Variants in GALNT13 observed in about 807,000 individuals in gnomAD.
GALNT13 encodes the protein polypeptide N-acetylgalactosaminyltransferase 13.
GALNT13 carries 28 observed loss-of-function variants against 64.2 expected under a neutral mutation model. The ratio of observed to expected loss-of-function variants is 0.44; its 90% CI spans 0.32 to 0.60. GALNT13 has a LOEUF of 0.60. Ranked by LOEUF, GALNT13 falls within the 20% of genes least tolerant of loss-of-function variation. The pLI is 0.05. For synonymous variants in GALNT13, 214 were observed against 224.6 expected (o/e 0.95, Z 0.42); for missense variants, 577 against 669.8 (o/e 0.86, Z 1.53).
At chr2:153,774,089 G>C in the GALNT13 span, among the ~76,000 whole-genome samples, 1 of 151,922 alleles carries the variant, frequency 6.6e-6, no homozygotes, top group Non-Finnish European at 1.5e-5. Context: ...AATTTTTCTG[G>C]AAAACTAGTT....
intron 3 of GALNT13, among the ~76,000 whole-genome samples, chr2:154,095,883 T>G (rs1469917591): frequency 6.6e-6 from 1 of 151,986 alleles, no homozygotes; most frequent in African/African-American, 2.4e-5. Flanking sequence ...TTTCAAAGTG[T>G]GCTCATCAGC....
At chr2:153,463,917 T>A in the GALNT13 span, among the ~76,000 whole-genome samples, 1 of 152,038 alleles carries the variant, frequency 6.6e-6, no homozygotes, top group African/African-American at 2.4e-5. Context: ...TATATCCAAA[T>A]GAAATTCCAG....
the GALNT13 span, among the ~76,000 whole-genome samples, chr2:153,408,474 A>C: frequency 1.3e-5 from 2 of 152,272 alleles, no homozygotes; most frequent in Non-Finnish European, 2.9e-5. Flanking sequence ...GGAGAAAATA[A>C]ATAGCAAAAA....
the GALNT13 span, among the ~76,000 whole-genome samples, chr2:153,854,302 G>A: frequency 1.6e-4 from 25 of 151,642 alleles, no homozygotes; most frequent in Admixed American, 4.6e-4. Flanking sequence ...AAATCAGGCC[G>A]GGTGCAGTGG....
chr2:154,256,265 C>T (rs1293254247), intron 7 of GALNT13, among the ~76,000 whole-genome samples: 4 of 149,760 alleles, frequency 2.7e-5, no homozygotes, highest in African/African-American at 9.9e-5. Flanking sequence ...AAAAAAAAAG[C>T]GAGAGAGATA....
chr2:154,273,230 A>G (rs2105925801), intron 8 of GALNT13, among the ~76,000 whole-genome samples: 1 of 152,312 alleles, frequency 6.6e-6, no homozygotes, highest in African/African-American at 2.4e-5. Context: ...TACATTACCT[A>G]GAGTGGTCAG....
the GALNT13 span, among the ~76,000 whole-genome samples, chr2:153,307,207 A>G: frequency 3.9e-5 from 6 of 152,264 alleles, no homozygotes; most frequent in Non-Finnish European, 8.8e-5. Context: ...AAGTATTTGC[A>G]TTATGAAAAT....
In GALNT13 at chr2:154,097,007, T is replaced by C. The variant is rs540919409; in HGVS notation, c.143-43330T>C. Among the ~76,000 whole-genome samples the C allele has an allele frequency of 7.8e-5, 5 of 64,062 alleles. No homozygotes were observed. The East Asian group carries it at 0.012, about 153-fold the overall frequency. 42.0% of individuals were successfully genotyped at this position (64,062 alleles called of 152,430 possible). A position where few individuals can be genotyped will look rare whatever the true frequency, so the allele number is the denominator to read the frequency against. ...ACTAGTAAGTGAATAAGAAAATAAG[T>C]AAGTAAGTAAGTAAATAAATAAATA... is the stretch of plus-strand genomic sequence containing the variant. On this transcript the variant is annotated intron_variant, in intron 3 of 12. Coordinates refer to ENST00000392825, the MANE Select transcript of GALNT13 (RefSeq NM_052917.4).
At chr2:153,585,112 T>C in the GALNT13 span, among the ~76,000 whole-genome samples, 1 of 152,130 alleles carries the variant, frequency 6.6e-6, no homozygotes, top group African/African-American at 2.4e-5. Context: ...GAACTCAAAA[T>C]ATTGATTTTT....
chr2:154,435,761 A>G (rs185259301), intron 11 of GALNT13: 2 of 152,306 alleles, frequency 1.3e-5, no homozygotes, highest in Admixed American at 6.5e-5. Context: ...TCTAAATATC[A>G]GCTACTGAAT....
chr2:154,418,072 T>G (rs910826568), intron 11 of GALNT13, among the ~76,000 whole-genome samples: 3 of 152,204 alleles, frequency 2.0e-5, no homozygotes, highest in Non-Finnish European at 4.4e-5. Flanking sequence ...AGCAAGAATT[T>G]GTTGTTTTTC....
the GALNT13 span, chr2:153,357,357 T>C: frequency 2.0e-5 from 3 of 152,230 alleles, no homozygotes; most frequent in Non-Finnish European, 4.4e-5. Context: ...TTATTTCAAC[T>C]TGATTATTCT....
intron 9 of GALNT13, among the ~76,000 whole-genome samples, chr2:154,346,569 A>C (rs1696079853): frequency 6.6e-6 from 1 of 151,628 alleles, no homozygotes; most frequent in South Asian, 2.1e-4. Flanking sequence ...CTTGGCTCTC[A>C]TTTTCCCTTG....
chr2:153,133,851 TA>T, the GALNT13 span, among the ~76,000 whole-genome samples: 1 of 152,304 alleles, frequency 6.6e-6, no homozygotes, highest in African/African-American at 2.4e-5. Context: ...AACTGGAAGA[TA>T]AGAGCTGTTT....
At chr2:154,227,372 C>T (rs1688674485) in intron 4 of GALNT13, among the ~76,000 whole-genome samples, 1 of 151,434 alleles carries the variant, frequency 6.6e-6, no homozygotes, top group African/African-American at 2.4e-5. Flanking sequence ...GGTACATGTG[C>T]ATAACGTGCA....
At chr2:154,371,354 T>A (rs545381525) in intron 9 of GALNT13, among the ~76,000 whole-genome samples, 1 of 152,096 alleles carries the variant, frequency 6.6e-6, no homozygotes, top group African/African-American at 2.4e-5. Context: ...GTAATTATAA[T>A]GTTGCTGTCA....
intron 4 of GALNT13, among the ~76,000 whole-genome samples, chr2:154,165,264 G>A (rs955811677): frequency 5.3e-5 from 8 of 152,196 alleles, no homozygotes; most frequent in Non-Finnish European, 1.0e-4. Flanking sequence ...CTCCTTCACT[G>A]TCTTTTAAGA....
At chr2:153,641,389 T>A in the GALNT13 span, among the ~76,000 whole-genome samples, 11 of 152,322 alleles carry the variant, frequency 7.2e-5, no homozygotes, top group African/African-American at 1.4e-4. Context: ...TGGATAATAA[T>A]TGATATTTTT....
chr2:154,450,669 A>AAGG lies in GALNT13; in HGVS notation c.*119_*120insGGA. 2.2e-6 allele frequency: 2 copies of AAGG among 924,732 alleles called. No individual in the cohort carries two copies. Among genetic ancestry groups the AAGG allele is most frequent in the Non-Finnish European group, 3.1e-6 (2 of 646,000 alleles). The allele number at this position is 924,732 out of a possible 1,614,324, so 57.3% of individuals were successfully genotyped here. A position where few individuals can be genotyped will look rare whatever the true frequency, so the allele number is the denominator to read the frequency against. On this transcript the variant is annotated 3_prime_UTR_variant, in exon 13 of 13. Coordinates refer to ENST00000392825, the MANE Select transcript of GALNT13 (RefSeq NM_052917.4). ...TTTAAAAATCCTTTTAGTATTCTAAAACACAATTGTTTCTAATTCGTTTCT... is the reference window on the plus strand; with the variant it reads ...TTTAAAAATCCTTTTAGTATTCTAAAAGGACACAATTGTTTCTAATTCGTTTCT...
Sources: allele counts gnomAD v4.1 joint callset (sites outside exome capture counted in the v4.1 genomes callset), GRCh38; gene constraint gnomAD v4.1.1; transcripts MANE v1.5; gene names NCBI Gene and HGNC (gene_info 2026-07-23, HGNC 2026-07-21).